Variants in PRR5L observed in about 807,000 individuals in gnomAD.
The protein encoded by PRR5L is proline rich 5 like.
In PRR5L, 21 loss-of-function variants were observed where a neutral mutation model predicts 36.4. That is an observed-to-expected ratio of 0.58 (90% confidence interval 0.41 to 0.83). PRR5L has a LOEUF of 0.83. PRR5L is among the 40% of genes least tolerant of loss of function. The pLI, the probability that PRR5L is intolerant of heterozygous loss-of-function variation, is 0.00. For synonymous variants in PRR5L, 188 were observed against 197.0 expected (o/e 0.95, Z 0.38); for missense variants, 381 against 473.3 (o/e 0.80, Z 1.81).
intron 1 of PRR5L, among the ~76,000 whole-genome samples, chr11:36,349,279 CAAA>C (rs56844732): frequency 2.8e-5 from 3 of 106,546 alleles, no homozygotes; most frequent in East Asian, 5.0e-4. Context: ...AAGACTCTGC[CAAA>C]AAAAAAAAAA....
intron 8 of PRR5L, among the ~76,000 whole-genome samples, chr11:36,460,019 G>C (rs896460528): frequency 3.3e-5 from 5 of 152,222 alleles, no homozygotes; most frequent in Admixed American, 1.3e-4. Context: ...AAATCACCGG[G>C]TAATACCTTT....
At chr11:36,392,839 A>G (rs1445393339) in intron 1 of PRR5L, among the ~76,000 whole-genome samples, 3 of 152,156 alleles carry the variant, frequency 2.0e-5, no homozygotes, top group Non-Finnish European at 4.4e-5. Flanking sequence ...TCCATGATCC[A>G]ATCACCTCCT....
chr11:36,376,612 C>T (rs1218868520), intron 1 of PRR5L: 5 of 991,250 alleles, frequency 5.0e-6, no homozygotes, highest in African/African-American at 1.7e-5. Flanking sequence ...TCGGGAAGAC[C>T]GGAAACTTTT....
chr11:36,428,162 G>A (rs1247326584), intron 4 of PRR5L, among the ~76,000 whole-genome samples: 1 of 152,174 alleles, frequency 6.6e-6, no homozygotes, highest in Admixed American at 6.5e-5. Flanking sequence ...GGAGTAGGGT[G>A]ACATTGGTGG....
Position 36,462,514 on chromosome 11 carries a change from C to T in PRR5L, c.885C>T (p.Ala295=). 6.2e-7 allele frequency: 1 copy of T among 1,608,676 alleles called. No individual in the cohort carries two copies. Among genetic ancestry groups the T allele is most frequent in the Non-Finnish European group, 8.5e-7 (1 of 1,177,140 alleles). The change falls in exon 9 of 9, where the codon GCC becomes GCT. Residue 295 remains alanine (A), a synonymous_variant. Transcript: ENST00000530639. ...TGCGGCGGCACACGGTGGCCAATGCCCACTCGGACATCCAGCTGCTGGCCA... is the reference window on the plus strand; with the variant it reads ...TGCGGCGGCACACGGTGGCCAATGCTCACTCGGACATCCAGCTGCTGGCCA... The part of the protein sequence containing the change: ...GSVRRHTVAN[A]HSDIQLLAMA...
chr11:36,414,170 A>G (rs1389934371), intron 3 of PRR5L, among the ~76,000 whole-genome samples: 7 of 151,358 alleles, frequency 4.6e-5, no homozygotes, highest in Non-Finnish European at 1.0e-4. Flanking sequence ...GCCACAGTAA[A>G]CATACGTGTG....
intron 1 of PRR5L, among the ~76,000 whole-genome samples, chr11:36,363,814 C>G (rs1322073675): frequency 6.6e-6 from 1 of 152,180 alleles, no homozygotes; most frequent in Non-Finnish European, 1.5e-5. Context: ...AAGAAGCAAT[C>G]GGCTGTTAAT....
In PRR5L at chr11:36,302,714, GAGGTGGAGCTTGCAGTT is replaced by G. The variant is rs538522489; in HGVS notation, c.-126+6285_-126+6301del. On this transcript the variant is annotated intron_variant, in intron 1 of 8. Transcript: ENST00000530639. ...AGGCACGAGAATCGCTTGAGCCTGG[GAGGTGGAGCTTGCAGTT>G]AGGTGGAGGTTGCAGTGCACTGCAC... Among the ~76,000 whole-genome samples the G allele has an allele frequency of 2.3e-3, 349 of 152,300 alleles. 8 individuals are homozygous for G. Among genetic ancestry groups the G allele is most frequent in the Non-Finnish European group, 5.1e-4 (35 of 68,012 alleles).
At chr11:36,338,921 C>A (rs1030199226) in intron 1 of PRR5L, among the ~76,000 whole-genome samples, 1 of 152,074 alleles carries the variant, frequency 6.6e-6, no homozygotes, top group African/African-American at 2.4e-5. Context: ...GTCACGGGGG[C>A]CCGTCTTTCC....
intron 1 of PRR5L, among the ~76,000 whole-genome samples, chr11:36,343,918 T>A (rs185982417): frequency 0.012 from 1,830 of 151,912 alleles, 24 homozygotes; most frequent in African/African-American, 0.037. Context: ...TTTTTTTTTT[T>A]AAAATATCAC....
At chr11:36,461,873 TC>T (rs1170440804) in intron 8 of PRR5L, among the ~76,000 whole-genome samples, 3 of 152,136 alleles carry the variant, frequency 2.0e-5, no homozygotes, top group African/African-American at 7.2e-5. Context: ...CTGAGGTAAC[TC>T]CCCAGTTATC....
At chr11:36,345,518 A>C (rs1039294074) in intron 1 of PRR5L, among the ~76,000 whole-genome samples, 2 of 152,166 alleles carry the variant, frequency 1.3e-5, no homozygotes, top group African/African-American at 2.4e-5. Context: ...AGAAAAAAAA[A>C]CAGACATAGT....
intron 1 of PRR5L, among the ~76,000 whole-genome samples, chr11:36,318,182 G>C (rs1856577225): frequency 6.6e-6 from 1 of 152,160 alleles, no homozygotes; most frequent in African/African-American, 2.4e-5. Context: ...TGTGGCAAAG[G>C]CTGTACCATC....
intron 1 of PRR5L, among the ~76,000 whole-genome samples, chr11:36,337,271 A>T (rs1856777582): frequency 1.3e-5 from 2 of 152,206 alleles, no homozygotes; most frequent in East Asian, 3.9e-4. Flanking sequence ...CCTGAATGGG[A>T]TTAGTGCTCC....
At chr11:36,304,055 C>G (rs528398043) in intron 1 of PRR5L, among the ~76,000 whole-genome samples, 1 of 152,162 alleles carries the variant, frequency 6.6e-6, no homozygotes, top group African/African-American at 2.4e-5. Flanking sequence ...CACTGTGGCC[C>G]AGGAGGGTCC....
chr11:36,341,928 G>C (rs1485409092), intron 1 of PRR5L, among the ~76,000 whole-genome samples: 1 of 152,238 alleles, frequency 6.6e-6, no homozygotes, highest in African/African-American at 2.4e-5. Context: ...GAGACAACTG[G>C]AAGCGGAAAG....
intron 4 of PRR5L, among the ~76,000 whole-genome samples, chr11:36,426,372 C>G (rs971929586): frequency 6.6e-6 from 1 of 152,210 alleles, no homozygotes; most frequent in East Asian, 1.9e-4. Context: ...AGCCTCGTTA[C>G]TTAGTCTCTC....
At chr11:36,384,712 A>C (rs1857427383) in intron 1 of PRR5L, among the ~76,000 whole-genome samples, 1 of 151,188 alleles carries the variant, frequency 6.6e-6, no homozygotes, top group Non-Finnish European at 1.5e-5. Context: ...TCACTTTGTC[A>C]CACAGACTGG....
chr11:36,379,155 C>T (rs1023445227), intron 1 of PRR5L, among the ~76,000 whole-genome samples: 1 of 152,220 alleles, frequency 6.6e-6, no homozygotes, highest in African/African-American at 2.4e-5. Flanking sequence ...ATAATCCTCA[C>T]TTTGCTCCTT....
Sources: allele counts gnomAD v4.1 joint callset (sites outside exome capture counted in the v4.1 genomes callset), GRCh38; gene constraint gnomAD v4.1.1; transcripts MANE v1.5; gene names NCBI Gene and HGNC (gene_info 2026-07-23, HGNC 2026-07-21).